Variants in ADGB observed in about 807,000 individuals in gnomAD.
ADGB encodes calpain-7-like protein.
Under a neutral mutation model 210.5 loss-of-function variants are expected in ADGB, and 172 were observed. The observed-to-expected ratio is 0.82, with a 90% CI of 0.72 to 0.93. The LOEUF (loss-of-function observed/expected upper bound fraction) is 0.93. Ranked by LOEUF, ADGB falls within the 40% of genes least tolerant of loss-of-function variation. The probability of loss-of-function intolerance (pLI) is 0.00; values close to 1 mark genes in which losing one functional copy is unlikely to be tolerated. For missense variants in ADGB, 2,025 were observed against 1,964.8 expected, an observed-to-expected ratio of 1.03 and a Z score of -0.58; for synonymous variants, 658 against 662.7, an observed-to-expected ratio of 0.99 and a Z score of 0.11.
At chr6:146,707,854 T>C (rs1776597838) in intron 13 of ADGB, among the ~76,000 whole-genome samples, 1 of 152,226 alleles carries the variant, frequency 6.6e-6, no homozygotes, top group African/African-American at 2.4e-5. Context: ...TATTGGTAGG[T>C]AAGCAGTTAC....
intron 10 of ADGB, among the ~76,000 whole-genome samples, chr6:146,690,553 G>A (rs1028921326): frequency 6.6e-6 from 1 of 151,950 alleles, no homozygotes; most frequent in Non-Finnish European, 1.5e-5. Flanking sequence ...CTGGCTTCAG[G>A]AGATCTAACA....
intron 35 of ADGB, chr6:146,803,069 A>T (rs1345284843): frequency 6.5e-7 from 1 of 1,549,640 alleles, no homozygotes; most frequent in Non-Finnish European, 8.9e-7. Context: ...CACAGCAGCC[A>T]AGTGAGATAT....
intron 8 of ADGB, among the ~76,000 whole-genome samples, chr6:146,672,838 C>T (rs1442763140): frequency 6.6e-5 from 10 of 151,126 alleles, no homozygotes; most frequent in Admixed American, 2.0e-4. Context: ...TCAAGTGATT[C>T]GCCTGCCTCA....
intron 2 of ADGB, chr6:146,639,607 TC>T (rs1405121328): frequency 1.3e-5 from 2 of 151,972 alleles, no homozygotes; most frequent in Non-Finnish European, 2.9e-5. Context: ...ATGACATGAT[TC>T]TATATCTAGA....
intron 35 of ADGB, 115 bp downstream of exon 35, chr6:146,802,126 T>G: frequency 1.4e-6 from 1 of 713,320 alleles, no homozygotes; most frequent in Non-Finnish European, 2.0e-6. Flanking sequence ...AAACATAGGT[T>G]TCTATTATTC....
Position 146,635,468 on chromosome 6 carries a change from A to G in ADGB, c.168A>G (p.Ile56Met). ...GGCCAGAGTGGAGTGAAGCTGACAT[A>G]AATTCAGAAAAGTGGGATGCAGGCA... ...PLWPEWSEAD[I>M]NSEKWDAGKG... is the part of the protein sequence containing the mutation. Residue 56 changes from isoleucine (I) to methionine (M), a missense_variant, in exon 2 of 36, where the codon ATA (isoleucine) becomes ATG (methionine). Coordinates refer to ENST00000397944, the MANE Select transcript of ADGB (RefSeq NM_024694.4). The G allele has an allele frequency of 6.5e-7, 1 of 1,548,830 alleles. No homozygotes were observed. Among genetic ancestry groups the G allele is most frequent in the Non-Finnish European group, 8.7e-7 (1 of 1,145,392 alleles).
intron 30 of ADGB, among the ~76,000 whole-genome samples, chr6:146,783,920 A>G (rs1309359230): frequency 6.6e-6 from 1 of 152,172 alleles, no homozygotes; most frequent in African/African-American, 2.4e-5. Context: ...GCAAGTATAT[A>G]CAGACCTGGA....
intron 1 of ADGB, among the ~76,000 whole-genome samples, chr6:146,633,782 A>G (rs1781098661): frequency 6.6e-6 from 1 of 152,142 alleles, no homozygotes; most frequent in Non-Finnish European, 1.5e-5. Flanking sequence ...GTTTGAATAC[A>G]ATCACACACC....
In ADGB at chr6:146,717,572, C is replaced by A; in HGVS notation, c.1965C>A (p.Cys655Ter). 7.1e-7 allele frequency: 1 copy of A among 1,406,112 alleles called. No homozygotes were observed. The highest frequency in any genetic ancestry group is 9.7e-7 in the Non-Finnish European group (1 of 1,035,972). The allele number at this position is 1,406,112 out of a possible 1,614,324, so 87.1% of individuals were successfully genotyped here. The change falls in exon 16 of 36, where the codon TGC (cysteine) becomes TGA (stop). Residue 655 changes from cysteine to a stop codon, truncating the protein, a stop_gained. Coordinates refer to ENST00000397944, the MANE Select transcript of ADGB (RefSeq NM_024694.4). LOFTEE classifies it high-confidence loss of function. ...TTTTCCACAAGCCAAGTTCATATTGCCTTAACTTTCAAAAATCAGAATTTA... is the reference window on the plus strand; with the variant it reads ...TTTTCCACAAGCCAAGTTCATATTGACTTAACTTTCAAAAATCAGAATTTA... ...IYIFHKPSSY[C>*]LNFQKSEFKF...
intron 3 of ADGB, among the ~76,000 whole-genome samples, chr6:146,653,310 C>T (rs1188354583): frequency 2.0e-5 from 3 of 151,982 alleles, no homozygotes; most frequent in Non-Finnish European, 2.9e-5. Context: ...ATAAAGTGCA[C>T]AATAAATGTA....
At chr6:146,807,539 G>A (rs1778231161) in intron 35 of ADGB, 3 of 1,551,266 alleles carry the variant, frequency 1.9e-6, no homozygotes, top group African/African-American at 2.7e-5. Flanking sequence ...CAGAAAAGAT[G>A]ACCCCAGCTC....
At chr6:146,728,799 ATCTT>A in intron 20 of ADGB, 58 bp downstream of exon 20, 2 of 1,387,802 alleles carry the variant, frequency 1.4e-6, no homozygotes, top group Non-Finnish European at 1.9e-6. Flanking sequence ...AAAATGGTAT[ATCTT>A]CCATTAGGTG....
At position 146,669,290 on chromosome 6, in the gene ADGB, A is replaced by G. The variant is rs1775975784; in HGVS notation, c.839+2388A>G. Among the ~76,000 whole-genome samples, 2 of 152,072 alleles carry G rather than the reference A, an allele frequency of 1.3e-5. 1 individual carries two copies. Among genetic ancestry groups the G allele is most frequent in the South Asian group, 4.1e-4 (2 of 4,820 alleles). ...GTTCAGGGAGTCGAGCAGATCAGAG[A>G]TGCACAGGGAAACCAATTATTATTT... On this transcript the variant is annotated intron_variant, in intron 7 of 35. Coordinates refer to ENST00000397944, the MANE Select transcript of ADGB (RefSeq NM_024694.4).
At chr6:146,692,731 A>G (rs1776347802) in intron 11 of ADGB, 94 bp from the exon 12 acceptor site, 2 of 544,292 alleles carry the variant, frequency 3.7e-6, no homozygotes, top group African/African-American at 3.8e-5. Context: ...TAAATAGTTA[A>G]TCTATCCAGC....
intron 16 of ADGB, 55 bp downstream of exon 16, chr6:146,717,654 C>T (rs12213083): frequency 0.064 from 52,229 of 817,458 alleles, 2,033 homozygotes; most frequent in Non-Finnish European, 0.079. Flanking sequence ...GAATTGCACC[C>T]GTAGAAAACA....
chr6:146,702,044 GA>G (rs765056786), intron 13 of ADGB, among the ~76,000 whole-genome samples: 2 of 149,516 alleles, frequency 1.3e-5, no homozygotes, highest in Non-Finnish European at 3.0e-5. Context: ...ATTTGTAATT[GA>G]AAAAAAAATG....
At chr6:146,669,809 C>T (rs1253124604) in intron 7 of ADGB, among the ~76,000 whole-genome samples, 1 of 152,042 alleles carries the variant, frequency 6.6e-6, no homozygotes, top group East Asian at 1.9e-4. Context: ...TATTTATCTA[C>T]AACTGCCTAA....
intron 13 of ADGB, among the ~76,000 whole-genome samples, chr6:146,705,116 T>A (rs1201466492): frequency 6.6e-6 from 1 of 152,128 alleles, no homozygotes; most frequent in African/African-American, 2.4e-5. Flanking sequence ...GATTTCTATT[T>A]TTGTTTTTTG....
chr6:146,686,057 GA>G (rs749841834), intron 10 of ADGB, among the ~76,000 whole-genome samples: 2 of 151,866 alleles, frequency 1.3e-5, no homozygotes, highest in Non-Finnish European at 2.9e-5. Flanking sequence ...AAAAGGAAAA[GA>G]AAAAATACAT....
Sources: gnomAD v4.1 joint callset for allele counts (sites outside exome capture counted in the v4.1 genomes callset) on GRCh38, gnomAD v4.1.1 for gene constraint, MANE v1.5 for transcripts, NCBI Gene and HGNC (gene_info 2026-07-23, HGNC 2026-07-21) for gene names.